The following PIP5K1A variants were observed in gnomAD, a reference collection of about 807,000 sequenced individuals.
PIP5K1A encodes the protein phosphatidylinositol-4-phosphate 5-kinase type 1 alpha, also known as phosphatidylinositol 4-phosphate 5-kinase type-1 alpha.
A neutral mutation model predicts 72.9 loss-of-function variants in PIP5K1A; 46 were observed. That is an observed-to-expected ratio of 0.63 (90% CI 0.50 to 0.81). The LOEUF (loss-of-function observed/expected upper bound fraction) is 0.81. PIP5K1A is among the 30% of genes least tolerant of loss of function. The pLI is 0.00. For synonymous variants in PIP5K1A, 228 were observed against 255.1 expected, an observed-to-expected ratio of 0.89 and a Z score of 1.01; for missense variants, 458 against 706.1, an observed-to-expected ratio of 0.65 and a Z score of 3.98.
chr1:151,240,468 GT>G (rs1691522727), intron 12 of PIP5K1A, among the ~76,000 whole-genome samples: 1 of 152,150 alleles, frequency 6.6e-6, no homozygotes, highest in South Asian at 2.1e-4. Flanking sequence ...CATGTTTTTA[GT>G]CTCTTTTCTC....
At chr1:151,226,426 C>CT (rs1307140118) in intron 3 of PIP5K1A, among the ~76,000 whole-genome samples, 3 of 151,970 alleles carry the variant, frequency 2.0e-5, no homozygotes, top group African/African-American at 7.2e-5. Context: ...AAATACTCAC[C>CT]TTTGGTTGGG....
chr1:151,238,376 T>C lies in PIP5K1A; in HGVS notation c.1229+111T>C. On this transcript the variant is annotated intron_variant, in intron 10 of 15. Transcript: ENST00000368888. ...TTCTTCCGGAAGCAAGAACAGTGAG[T>C]TGCAGTCTGGCTACTTACTTCATTA... 5 of 753,366 alleles carry C rather than the reference T, an allele frequency of 6.6e-6. No individual in the cohort carries two copies. In the South Asian group the frequency reaches 7.3e-5, roughly 11 times the overall value. 46.7% of individuals were successfully genotyped at this position (753,366 alleles called of 1,614,324 possible). A position where few individuals can be genotyped will look rare whatever the true frequency, so the allele number is the denominator to read the frequency against.
intron 8 of PIP5K1A, among the ~76,000 whole-genome samples, chr1:151,235,977 TG>T (rs950610548): frequency 1.3e-5 from 2 of 151,562 alleles, no homozygotes; most frequent in Admixed American, 6.6e-5. Context: ...AAAAATTAGC[TG>T]GGTGTGGTGG....
Position 151,232,158 on chromosome 1 carries a change from A to C in PIP5K1A, c.369-90A>C, listed in dbSNP as rs587668543. On this transcript the variant is annotated intron_variant, in intron 5 of 15. Coordinates refer to ENST00000368888, the MANE Select transcript of PIP5K1A (RefSeq NM_001135638.2). ...AGGAATGTATTCCCCCACTCCCCCC[A>C]CCATGAGGTGACTCTGAGTGTCTTC... 6.6e-4 allele frequency: 563 copies of C among 850,460 alleles called. 7 individuals carry two copies. The Admixed American group carries it at 9.0e-3, about 14-fold the overall frequency. 52.7% of individuals were successfully genotyped at this position (850,460 alleles called of 1,614,324 possible).
At chr1:151,229,785 GA>G (rs1338807390) in intron 4 of PIP5K1A, among the ~76,000 whole-genome samples, 2 of 150,442 alleles carry the variant, frequency 1.3e-5, no homozygotes, top group African/African-American at 4.9e-5. Context: ...ATTTGTACAT[GA>G]AAAAAACTAG....
At chr1:151,200,020 G>T (rs1684997279) in intron 1 of PIP5K1A, among the ~76,000 whole-genome samples, 1 of 151,992 alleles carries the variant, frequency 6.6e-6, no homozygotes, top group Non-Finnish European at 1.5e-5. Context: ...ACTCTAAACT[G>T]CCCAACTTTG....
At position 151,247,968 on chromosome 1, in the gene PIP5K1A, C is replaced by G. The variant is rs773562511; in HGVS notation, c.*103C>G. On this transcript the variant is annotated 3_prime_UTR_variant, in exon 16 of 16. Transcript: ENST00000368888. ...GCTGAATTTTCTTCTACTTGGTCATCAAAAAAGGAGTGTAATAGAAGTGAG... is the reference window on the plus strand; with the variant it reads ...GCTGAATTTTCTTCTACTTGGTCATGAAAAAAGGAGTGTAATAGAAGTGAG... The G allele has an allele frequency of 1.1e-5, 11 of 1,021,196 alleles. No homozygotes were observed. Among genetic ancestry groups the G allele is most frequent in the Non-Finnish European group, 1.4e-5 (9 of 646,998 alleles). 63.3% of individuals were successfully genotyped at this position (1,021,196 alleles called of 1,614,324 possible).
rs192126323 is a variant in PIP5K1A at position 151,230,109 on chromosome 1, T to C, written c.238-1562T>C. Among the ~76,000 whole-genome samples, 199 of 151,796 alleles carry C rather than the reference T, an allele frequency of 1.3e-3. 3 individuals are homozygous for C. Among genetic ancestry groups the C allele is most frequent in the African/African-American group, 4.6e-3 (192 of 41,416 alleles). ...TCTCAAGAAAAAAAAAACAAAAAAC[T>C]AGTTGTAATTTATTGCCCATTGAGG... On this transcript the variant is annotated intron_variant, in intron 4 of 15. Transcript: ENST00000368888.
At chr1:151,221,573 A>G (rs1483357357) in intron 1 of PIP5K1A, among the ~76,000 whole-genome samples, 1 of 152,218 alleles carries the variant, frequency 6.6e-6, no homozygotes, top group East Asian at 1.9e-4. Context: ...CAAGATTCTC[A>G]GACAAAATAT....
upstream of PIP5K1A, chr1:151,198,224 C>A: frequency 5.0e-6 from 2 of 396,966 alleles, no homozygotes; most frequent in Non-Finnish European, 1.0e-5. Context: ...ATATTCGACA[C>A]CTTAACGTCT....
At chr1:151,229,360 CTTTTT>C (rs587604327) in intron 4 of PIP5K1A, among the ~76,000 whole-genome samples, 1 of 130,766 alleles carries the variant, frequency 7.6e-6, no homozygotes. Flanking sequence ...GCTTATTTAG[CTTTTT>C]TTTTTTTTTT....
intron 4 of PIP5K1A, among the ~76,000 whole-genome samples, chr1:151,229,116 C>T (rs1460870052): frequency 1.7e-4 from 22 of 125,844 alleles, no homozygotes; most frequent in African/African-American, 3.3e-4. Context: ...TGCAGTGAGC[C>T]GAGGTCGCGC....
chr1:151,241,798 C>G (rs1344092621), intron 12 of PIP5K1A, among the ~76,000 whole-genome samples: 1 of 140,778 alleles, frequency 7.1e-6, no homozygotes, highest in Non-Finnish European at 1.5e-5. Flanking sequence ...GAAACTCCAT[C>G]TCAAAAAAAA....
At position 151,222,792 on chromosome 1, in the gene PIP5K1A, G is replaced by A. The variant is rs77892149; in HGVS notation, c.86-1453G>A. Among the ~76,000 whole-genome samples the A allele has an allele frequency of 4.5e-3, 688 of 152,238 alleles. 6 individuals carry two copies. The highest frequency in any genetic ancestry group is 0.016 in the African/African-American group (653 of 41,552). ...GTTGCTAGTGTTGCACAAGCATGTG[G>A]GTATGTTGGGGGATGGGGCAGCTGA... On this transcript the variant is annotated intron_variant, in intron 1 of 15. Transcript: ENST00000368888.
At chr1:151,214,370 G>T (rs1268347988) in intron 1 of PIP5K1A, among the ~76,000 whole-genome samples, 1 of 146,174 alleles carries the variant, frequency 6.8e-6, no homozygotes, top group African/African-American at 2.7e-5. Context: ...CTGTTTTTTT[G>T]TTTTTGTTTT....
At chr1:151,195,520 C>T (rs937567759), upstream of PIP5K1A, among the ~76,000 whole-genome samples, 4 of 151,776 alleles carry the variant, frequency 2.6e-5, no homozygotes, top group South Asian at 2.1e-4. Flanking sequence ...GGAGTGGGGG[C>T]GCCCCAGGGA....
At chr1:151,202,748 C>G (rs965266727) in intron 1 of PIP5K1A, among the ~76,000 whole-genome samples, 21 of 148,424 alleles carry the variant, frequency 1.4e-4, no homozygotes, top group Admixed American at 1.2e-3. Context: ...GGATTACAGG[C>G]GTGAGCCACC....
At position 151,239,198 on chromosome 1, in the gene PIP5K1A, G is replaced by T. The variant is rs1438265228; in HGVS notation, c.1278+20G>T. ...GACGGAGTAAGTAGTAATACTAGAG[G>T]CTCTCTTACCGTACACTTCTGCCTC... On this transcript the variant is annotated intron_variant, in intron 11 of 15. Transcript: ENST00000368888. 1.3e-6 allele frequency: 2 copies of T among 1,541,606 alleles called. No individual in the cohort carries two copies.
chr1:151,203,681 A>G (rs951788104), intron 1 of PIP5K1A, among the ~76,000 whole-genome samples: 16 of 150,062 alleles, frequency 1.1e-4, no homozygotes, highest in Non-Finnish European at 2.2e-4. Context: ...AAAATTAGCT[A>G]GTCATGGTGG....
Sources: gnomAD v4.1 joint callset for allele counts (sites outside exome capture counted in the v4.1 genomes callset) on GRCh38, gnomAD v4.1.1 for gene constraint, MANE v1.5 for transcripts, NCBI Gene and HGNC (gene_info 2026-07-23, HGNC 2026-07-21) for gene names.